Variants in KANK1 observed in about 807,000 individuals in gnomAD.
KANK1 encodes the protein KN motif and ankyrin repeat domain-containing protein 1.
A neutral mutation model predicts 106.2 loss-of-function variants in KANK1; 109 were observed. The ratio of observed to expected loss-of-function variants is 1.03; its 90% CI spans 0.88 to 1.20. The LOEUF is 1.20. KANK1 is among the 50% of genes most tolerant of loss of function. The pLI, the probability that KANK1 is intolerant of heterozygous loss-of-function variation, is 0.00. For synonymous variants in KANK1, 873 were observed against 652.2 expected (o/e 1.34, Z -5.16); for missense variants, 2,399 against 1,710.7 (o/e 1.40, Z -7.10).
At chr9:529,260 C>T (rs142455262) in intron 1 of KANK1, among the ~76,000 whole-genome samples, 5 of 135,520 alleles carry the variant, frequency 3.7e-5, no homozygotes, top group South Asian at 2.4e-4. Context: ...CACACATATA[C>T]ACACACACAC....
At chr9:472,801 G>A (rs929042693) in intron 2 of KANK1, among the ~76,000 whole-genome samples, 11 of 152,158 alleles carry the variant, frequency 7.2e-5, no homozygotes, top group African/African-American at 2.4e-4. Context: ...GGCTTGATCC[G>A]AGCTGGTGCA....
At chr9:700,587 A>C (rs780845234) in intron 2 of KANK1, among the ~76,000 whole-genome samples, 14 of 152,184 alleles carry the variant, frequency 9.2e-5, no homozygotes, top group Non-Finnish European at 1.8e-4. Context: ...TGCTTTGAAC[A>C]GCAGGATGCT....
intron 1 of KANK1, among the ~76,000 whole-genome samples, chr9:513,484 C>G (rs1473202834): frequency 1.3e-5 from 2 of 152,146 alleles, no homozygotes; most frequent in Non-Finnish European, 2.9e-5. Context: ...TAGTTTAACT[C>G]TCAGAACACA....
chr9:664,365 C>T (rs1171563106), intron 1 of KANK1, among the ~76,000 whole-genome samples: 1 of 152,078 alleles, frequency 6.6e-6, no homozygotes, highest in Admixed American at 6.5e-5. Flanking sequence ...CATAATGACC[C>T]CCAGTTTCAT....
chr9:536,230 A>G (rs995806779), intron 1 of KANK1, among the ~76,000 whole-genome samples: 8 of 152,090 alleles, frequency 5.3e-5, no homozygotes, highest in Non-Finnish European at 1.2e-4. Flanking sequence ...AATCCCAGCT[A>G]CTCGGGAAGC....
intron 3 of KANK1, among the ~76,000 whole-genome samples, chr9:723,938 GA>G (rs34095663): frequency 7.9e-4 from 107 of 135,196 alleles, no homozygotes; most frequent in Middle Eastern, 3.7e-3. Flanking sequence ...TTAAAAATAC[GA>G]AAAAAAAAAA....
In KANK1 at chr9:711,316, C is replaced by G. The variant is rs1589110271; in HGVS notation, c.550C>G (p.Leu184Val). Reference sequence around the variant, plus strand: ...ACCGGGTGAGTTCAGAAGGCCCAGGCTGGCCAGTTTTGGAGGCATGGGCAC... The same window carrying G: ...ACCGGGTGAGTTCAGAAGGCCCAGGGTGGCCAGTTTTGGAGGCATGGGCAC... ...MTPGEFRRPR[L>V]ASFGGMGTTS... The change falls in exon 3 of 12, where the codon CTG becomes GTG. Residue 184 changes from leucine to valine, a missense_variant. Transcript: ENST00000382297. 2.5e-6 allele frequency: 4 copies of G among 1,614,176 alleles called. 1 individual carries two copies. The South Asian group carries it at 4.4e-5, about 18-fold the overall frequency.
intron 3 of KANK1, among the ~76,000 whole-genome samples, chr9:724,700 G>A (rs1383415892): frequency 6.6e-6 from 1 of 152,110 alleles, no homozygotes; most frequent in Non-Finnish European, 1.5e-5. Context: ...TACTCAGGAG[G>A]CTGAAGCAGG....
At chr9:554,313 G>A (rs940395419) in intron 1 of KANK1, among the ~76,000 whole-genome samples, 10 of 152,106 alleles carry the variant, frequency 6.6e-5, no homozygotes, top group Admixed American at 3.3e-4. Context: ...GATGTCTGAG[G>A]GCAGGAAAAG....
chr9:506,794 T>TAG (rs1483036217), intron 1 of KANK1, among the ~76,000 whole-genome samples: 3 of 152,040 alleles, frequency 2.0e-5, no homozygotes, highest in African/African-American at 7.2e-5. Context: ...GAAAAGGATC[T>TAG]AGTTGGGGGC....
chr9:613,523 A>G (rs1390911382), intron 1 of KANK1, among the ~76,000 whole-genome samples: 11 of 152,112 alleles, frequency 7.2e-5, no homozygotes, highest in South Asian at 4.2e-4. Flanking sequence ...GCCCAAGACA[A>G]TTCTTCTAGT....
At position 730,303 on chromosome 9, in the gene KANK1, A is replaced by G. The variant is rs766432769; in HGVS notation, c.2896+55A>G. On this transcript the variant is annotated intron_variant, in intron 4 of 11. Transcript: ENST00000382297. The stretch of plus-strand genomic sequence containing the variant: ...TCAGGATTCTAGGGCCAGCATTGCC[A>G]GCATTCCAATTTAATGTCAATGTAC... The G allele has an allele frequency of 3.3e-6, 5 of 1,525,208 alleles. No homozygotes were observed. In the African/African-American group the frequency reaches 6.8e-5, roughly 21 times the overall value. 94.5% of individuals were successfully genotyped at this position (1,525,208 alleles called of 1,614,324 possible). A position where few individuals can be genotyped will look rare whatever the true frequency, so the allele number is the denominator to read the frequency against.
chr9:641,686 A>G (rs189953722), intron 1 of KANK1, among the ~76,000 whole-genome samples: 9 of 152,260 alleles, frequency 5.9e-5, no homozygotes, highest in Admixed American at 1.3e-4. Flanking sequence ...TTTTTTCTCT[A>G]CCTATCTTAC....
At chr9:675,038 A>C (rs954706244) in intron 1 of KANK1, among the ~76,000 whole-genome samples, 1 of 152,146 alleles carries the variant, frequency 6.6e-6, no homozygotes, top group Non-Finnish European at 1.5e-5. Context: ...TTATTATTAC[A>C]AAAGTAAGAA....
intron 3 of KANK1, among the ~76,000 whole-genome samples, chr9:490,600 C>T (rs1564119183): frequency 6.6e-6 from 1 of 152,232 alleles, no homozygotes; most frequent in South Asian, 2.1e-4. Context: ...TCTATTTGGA[C>T]AAAATCTTTA....
chr9:548,821 G>A (rs2061094922), intron 1 of KANK1, among the ~76,000 whole-genome samples: 1 of 152,104 alleles, frequency 6.6e-6, no homozygotes. Context: ...GCTCACACCT[G>A]TAATCCCAGC....
At chr9:691,429 A>T (rs1468735123) in intron 2 of KANK1, among the ~76,000 whole-genome samples, 4 of 149,410 alleles carry the variant, frequency 2.7e-5, no homozygotes, top group African/African-American at 9.8e-5. Flanking sequence ...TTTATTTATT[A>T]TTATTTTTTT....
chr9:620,377 C>T (rs16921253), intron 1 of KANK1, among the ~76,000 whole-genome samples: 3,508 of 152,028 alleles, frequency 0.023, 149 homozygotes, highest in African/African-American at 0.08. Flanking sequence ...TAATTCTTTG[C>T]GAGAAAAGCA....
chr9:602,272 AT>A (rs1417558260), intron 1 of KANK1, among the ~76,000 whole-genome samples: 1 of 150,974 alleles, frequency 6.6e-6, no homozygotes, highest in Non-Finnish European at 1.5e-5. Context: ...ATTTTATTTT[AT>A]TTTTTGAGAC....
Sources: gnomAD v4.1 joint callset for allele counts (sites outside exome capture counted in the v4.1 genomes callset) on GRCh38, gnomAD v4.1.1 for gene constraint, MANE v1.5 for transcripts, NCBI Gene and HGNC (gene_info 2026-07-23, HGNC 2026-07-21) for gene names.